Variants in ZNF566 observed in about 807,000 individuals in gnomAD.
ZNF566 encodes zinc finger protein 566.
Under a neutral mutation model 32.8 loss-of-function variants are expected in ZNF566, and 27 were observed. The observed-to-expected ratio is 0.82, with a 90% confidence interval of 0.61 to 1.14. The LOEUF is 1.14. Ranked by LOEUF, ZNF566 falls within the 50% of genes most tolerant of loss-of-function variation. The pLI is 0.00. For missense variants in ZNF566, 402 were observed against 490.4 expected (o/e 0.82, Z 1.70); for synonymous variants, 154 against 159.5 (o/e 0.97, Z 0.26).
intron 4 of ZNF566, among the ~76,000 whole-genome samples, chr19:36,459,158 A>G (rs1233052370): frequency 1.3e-5 from 2 of 152,270 alleles, no homozygotes. Flanking sequence ...AATTGATGTA[A>G]GAAATAAAAT....
chr19:36,458,630 G>A (rs1233640625), intron 4 of ZNF566, among the ~76,000 whole-genome samples: 1 of 152,082 alleles, frequency 6.6e-6, no homozygotes, highest in Non-Finnish European at 1.5e-5. Context: ...ACCATTAATG[G>A]TAATACCAGT....
rs2034041672 is a variant in ZNF566 at position 36,481,896 on chromosome 19, A to G, written c.-59-5280T>C. Among the ~76,000 whole-genome samples, 3 of 152,226 alleles carry G rather than the reference A, an allele frequency of 2.0e-5. No homozygotes were observed. In the South Asian group the frequency reaches 6.2e-4, roughly 32 times the overall value. On this transcript the variant is annotated intron_variant, in intron 1 of 4. Transcript: ENST00000452939. ...TGTAACAATTAGAAAAGAATTATGAATATCTCTTTAACTGCCTGAGTGTTA... is the reference window on the plus strand; with the variant it reads ...TGTAACAATTAGAAAAGAATTATGAGTATCTCTTTAACTGCCTGAGTGTTA...
chr19:36,455,863 A>AC (rs1297955052), intron 4 of ZNF566, among the ~76,000 whole-genome samples: 1 of 151,930 alleles, frequency 6.6e-6, no homozygotes, highest in Middle Eastern at 3.2e-3. Flanking sequence ...ACACGGTGAA[A>AC]CCTCTCTCTA....
chr19:36,456,756 A>C (rs2145648343), intron 4 of ZNF566, among the ~76,000 whole-genome samples: 1 of 152,214 alleles, frequency 6.6e-6, no homozygotes, highest in East Asian at 1.9e-4. Context: ...GACAAAAATA[A>C]ATGAAAAGAT....
intron 4 of ZNF566, among the ~76,000 whole-genome samples, chr19:36,471,207 CTG>C (rs1568524431): frequency 2.1e-4 from 26 of 121,064 alleles, no homozygotes; most frequent in African/African-American, 8.0e-4. Context: ...GAGCGAGACT[CTG>C]TCTCAAAAAA....
chr19:36,449,826 C>T lies in ZNF566; in HGVS notation c.408G>A (p.Gly136=). The T allele has an allele frequency of 6.2e-7, 1 of 1,614,146 alleles. No homozygotes were observed. The highest frequency in any genetic ancestry group is 8.5e-7 in the Non-Finnish European group (1 of 1,180,026). ...TGAATACCAATTGATTGAAATGTCC[C>T]CCCTGAGAGCCGAGTTCTTTCTTAA... ...RQFKKELGSQ[G]GHFNQLVFTH... is the part of the protein sequence containing the mutation. The change falls in exon 5 of 5, where the codon GGG becomes GGA. Residue 136 remains glycine, a synonymous_variant. Coordinates refer to ENST00000452939, the MANE Select transcript of ZNF566 (RefSeq NM_001145344.1).
At chr19:36,482,089 C>T (rs2034047550) in intron 1 of ZNF566, among the ~76,000 whole-genome samples, 1 of 152,096 alleles carries the variant, frequency 6.6e-6, no homozygotes, top group Non-Finnish European at 1.5e-5. Flanking sequence ...TCTGTGGGAA[C>T]TAAGTTAATT....
chr19:36,483,629 A>C (rs2034087710), intron 1 of ZNF566, among the ~76,000 whole-genome samples: 1 of 152,156 alleles, frequency 6.6e-6, no homozygotes, highest in South Asian at 2.1e-4. Flanking sequence ...AATAGAGAAT[A>C]GAATAAAATA....
intron 2 of ZNF566, 33 bp from the exon 3 acceptor site, chr19:36,473,491 A>AT (rs763844982): frequency 1.3e-6 from 2 of 1,505,362 alleles, no homozygotes; most frequent in East Asian, 4.7e-5. Flanking sequence ...GACTTCATTA[A>AT]TTTTTTAAAA....
intron 4 of ZNF566, among the ~76,000 whole-genome samples, chr19:36,460,368 T>C (rs1345384258): frequency 6.6e-6 from 1 of 151,996 alleles, no homozygotes; most frequent in African/African-American, 2.4e-5. Context: ...AGCAAAAGAA[T>C]AGAATATATA....
chr19:36,450,272 C>T (rs2033119184), intron 4 of ZNF566, among the ~76,000 whole-genome samples: 1 of 152,164 alleles, frequency 6.6e-6, no homozygotes, highest in South Asian at 2.1e-4. Flanking sequence ...TAAAGGATGA[C>T]TCTAATCATA....
At chr19:36,453,345 C>T (rs1319133946) in intron 4 of ZNF566, among the ~76,000 whole-genome samples, 2 of 150,066 alleles carry the variant, frequency 1.3e-5, no homozygotes, top group Non-Finnish European at 3.0e-5. Flanking sequence ...TGGTGGTGTA[C>T]GCCTGTACTC....
intron 4 of ZNF566, among the ~76,000 whole-genome samples, chr19:36,464,827 C>T (rs964247888): frequency 2.6e-5 from 4 of 151,628 alleles, no homozygotes; most frequent in Non-Finnish European, 5.9e-5. Flanking sequence ...TTCTGAAGAT[C>T]CAAAAAGTAT....
intron 4 of ZNF566, among the ~76,000 whole-genome samples, chr19:36,463,850 C>T (rs1483307403): frequency 1.3e-5 from 2 of 151,868 alleles, no homozygotes; most frequent in South Asian, 2.1e-4. Context: ...CTCAGCCTCC[C>T]GAGTAGCTGG....
Position 36,449,049 on chromosome 19 carries a change from A to G in ZNF566, c.1185T>C (p.Tyr395=), listed in dbSNP as rs752777657. 8.7e-6 allele frequency: 14 copies of G among 1,612,882 alleles called. No individual in the cohort carries two copies. The highest frequency in any genetic ancestry group is 1.6e-4 in the Middle Eastern group (1 of 6,076). The change falls in exon 5 of 5, where the codon TAT becomes TAC. Residue 395 remains tyrosine, a synonymous_variant. Coordinates refer to ENST00000452939, the MANE Select transcript of ZNF566 (RefSeq NM_001145344.1). The part of the protein sequence containing the change: ...HHRIHTSEKP[Y]EYRECGKNFN... ...AGTTCTTTCCACATTCCCTATATTCATAGGGTTTCTCACTAGTATGAATTC... is the reference window on the plus strand; with the variant it reads ...AGTTCTTTCCACATTCCCTATATTCGTAGGGTTTCTCACTAGTATGAATTC...
intron 4 of ZNF566, among the ~76,000 whole-genome samples, chr19:36,463,519 A>G (rs2033531977): frequency 6.6e-6 from 1 of 151,462 alleles, no homozygotes; most frequent in Non-Finnish European, 1.5e-5. Context: ...AAAGTGATCT[A>G]CAAATTCAAT....
At chr19:36,464,014 C>T (rs1286435164) in intron 4 of ZNF566, among the ~76,000 whole-genome samples, 1 of 152,072 alleles carries the variant, frequency 6.6e-6, no homozygotes, top group African/African-American at 2.4e-5. Flanking sequence ...GTATGAGCCA[C>T]CACACCCGGC....
intron 4 of ZNF566, among the ~76,000 whole-genome samples, chr19:36,451,285 A>C (rs956336476): frequency 6.6e-6 from 1 of 152,246 alleles, no homozygotes; most frequent in African/African-American, 2.4e-5. Flanking sequence ...GCTTAAGAAA[A>C]GTCAAGTGTG....
chr19:36,450,825 T>C (rs2033138230), intron 4 of ZNF566, among the ~76,000 whole-genome samples: 1 of 152,192 alleles, frequency 6.6e-6, no homozygotes, highest in Admixed American at 6.5e-5. Context: ...GTATTGTCTA[T>C]GGATGCTTTT....
Sources: gnomAD v4.1 joint callset for allele counts (sites outside exome capture counted in the v4.1 genomes callset) on GRCh38, gnomAD v4.1.1 for gene constraint, MANE v1.5 for transcripts, NCBI Gene and HGNC (gene_info 2026-07-23, HGNC 2026-07-21) for gene names.